GLRA3: variants seen among roughly 807,000 people sequenced by gnomAD.
The protein encoded by GLRA3 is glycine receptor alpha 3.
In GLRA3, 44 loss-of-function variants were observed where a neutral mutation model predicts 60.4. That is an observed-to-expected ratio of 0.73 (90% CI 0.57 to 0.94). The LOEUF is 0.94. Among genes scored for constraint, GLRA3 ranks in the 40% least tolerant of loss-of-function variants. The pLI is 0.00. For missense variants in GLRA3, 508 were observed against 564.6 expected, an observed-to-expected ratio of 0.90 and a Z score of 1.02; for synonymous variants, 223 against 192.9, an observed-to-expected ratio of 1.16 and a Z score of -1.29.
At chr4:174,745,739 T>C (rs944449603) in intron 3 of GLRA3, among the ~76,000 whole-genome samples, 5 of 151,948 alleles carry the variant, frequency 3.3e-5, no homozygotes, top group Admixed American at 2.0e-4. Context: ...GTTACTCATC[T>C]GACAGGTGAC....
intron 5 of GLRA3, among the ~76,000 whole-genome samples, chr4:174,706,836 A>T (rs1353583053): frequency 6.6e-6 from 1 of 152,186 alleles, no homozygotes; most frequent in Non-Finnish European, 1.5e-5. Context: ...ATTAACAGGT[A>T]GATTCTGTGA....
chr4:174,799,155 T>C (rs1739705069), intron 1 of GLRA3, among the ~76,000 whole-genome samples: 1 of 152,204 alleles, frequency 6.6e-6, no homozygotes, highest in South Asian at 2.1e-4. Context: ...ACAGGATTAA[T>C]ATACATATCA....
At chr4:174,681,348 TC>T (rs1231744467) in intron 6 of GLRA3, among the ~76,000 whole-genome samples, 1 of 152,224 alleles carries the variant, frequency 6.6e-6, no homozygotes, top group Non-Finnish European at 1.5e-5. Context: ...AAGATTCATG[TC>T]CACCCAGAAT....
At chr4:174,689,522 C>T (rs1373765812) in intron 5 of GLRA3, among the ~76,000 whole-genome samples, 2 of 151,900 alleles carry the variant, frequency 1.3e-5, no homozygotes, top group Admixed American at 6.6e-5. Context: ...ATCCATTACC[C>T]AAATAATGTA....
chr4:174,703,557 A>ACTTATTAGGTTTTGTTTT (rs1343015870), intron 5 of GLRA3, among the ~76,000 whole-genome samples: 1 of 152,006 alleles, frequency 6.6e-6, no homozygotes, highest in Non-Finnish European at 1.5e-5. Context: ...GTTTTTGTTT[A>ACTTATTAGGTTTTGTTTT]CTTATTAGGT....
intron 3 of GLRA3, among the ~76,000 whole-genome samples, chr4:174,747,228 G>A (rs1356521374): frequency 6.6e-6 from 1 of 152,118 alleles, no homozygotes; most frequent in African/African-American, 2.4e-5. Flanking sequence ...GAGGACATAA[G>A]GGCAGTGGTG....
intron 7 of GLRA3, among the ~76,000 whole-genome samples, chr4:174,662,294 G>GT (rs764810894): frequency 6.6e-5 from 10 of 152,152 alleles, no homozygotes; most frequent in Non-Finnish European, 1.2e-4. Context: ...TTTATGAAAG[G>GT]TAAGATGTTT....
intron 4 of GLRA3, among the ~76,000 whole-genome samples, chr4:174,717,276 G>GA (rs1174740480): frequency 1.4e-5 from 2 of 144,434 alleles, no homozygotes; most frequent in Non-Finnish European, 3.0e-5. Context: ...GAGAGAGAGA[G>GA]AGAGAAAGAG....
intron 2 of GLRA3, among the ~76,000 whole-genome samples, chr4:174,768,664 G>A (rs1018674742): frequency 3.3e-5 from 5 of 152,188 alleles, no homozygotes; most frequent in Admixed American, 6.6e-5. Context: ...TTAATCCATA[G>A]TAACTCTGAA....
chr4:174,739,321 T>G (rs905350247), intron 3 of GLRA3, among the ~76,000 whole-genome samples: 8 of 152,180 alleles, frequency 5.3e-5, no homozygotes, highest in Admixed American at 3.3e-4. Context: ...GGCAGAAAGC[T>G]TGACAACTCA....
At chr4:174,798,829 C>CAGG (rs1374004288) in intron 1 of GLRA3, among the ~76,000 whole-genome samples, 6 of 151,722 alleles carry the variant, frequency 4.0e-5, no homozygotes, top group East Asian at 1.9e-4. Flanking sequence ...GAGGCTGAGG[C>CAGG]AGAATGCCGT....
chr4:174,685,402 G>A (rs987208187), intron 5 of GLRA3, among the ~76,000 whole-genome samples: 1 of 152,150 alleles, frequency 6.6e-6, no homozygotes, highest in African/African-American at 2.4e-5. Flanking sequence ...TAGACTGTAT[G>A]GGATTCTGCT....
At chr4:174,795,601 TA>T (rs1739535700) in intron 1 of GLRA3, among the ~76,000 whole-genome samples, 1 of 152,202 alleles carries the variant, frequency 6.6e-6, no homozygotes, top group Non-Finnish European at 1.5e-5. Flanking sequence ...TTACTACTAA[TA>T]AAATTAAAGT....
In GLRA3 at chr4:174,780,117, A is replaced by G. The variant is rs1434177702; in HGVS notation, c.199+8699T>C. Among the ~76,000 whole-genome samples, 12 of 149,358 alleles carry G rather than the reference A, an allele frequency of 8.0e-5. No individual in the cohort carries two copies. In the South Asian group the frequency reaches 8.8e-4, roughly 11 times the overall value. On this transcript the variant is annotated intron_variant, in intron 2 of 9. Transcript: ENST00000274093. ...CCATCAGACTAACAGTGGATCTCTC[A>G]GCAGAAACCCTACAAGCCAGAAGAG...
chr4:174,804,932 C>T (rs1423061844), intron 1 of GLRA3, among the ~76,000 whole-genome samples: 2 of 152,220 alleles, frequency 1.3e-5, no homozygotes, highest in East Asian at 3.9e-4. Context: ...TGGCTAGTGC[C>T]ATGTTGCCTG....
chr4:174,715,209 C>T (rs962993955), intron 5 of GLRA3, among the ~76,000 whole-genome samples: 2 of 152,154 alleles, frequency 1.3e-5, no homozygotes, highest in Admixed American at 6.5e-5. Context: ...TTAATGATTA[C>T]CATCCTTTTC....
intron 1 of GLRA3, among the ~76,000 whole-genome samples, chr4:174,828,425 T>C (rs1190620424): frequency 2.0e-5 from 3 of 152,184 alleles, no homozygotes; most frequent in Non-Finnish European, 4.4e-5. Flanking sequence ...CCAAATTATA[T>C]AATTCACTTA....
chr4:174,749,308 A>G (rs1413176527), intron 3 of GLRA3, among the ~76,000 whole-genome samples: 2 of 152,082 alleles, frequency 1.3e-5, no homozygotes, highest in Non-Finnish European at 2.9e-5. Context: ...CCAGAAATAA[A>G]TTCCTTTCTG....
chr4:174,717,300 AAAAG>A (rs1290212663), intron 4 of GLRA3, among the ~76,000 whole-genome samples: 5 of 150,832 alleles, frequency 3.3e-5, no homozygotes, highest in Admixed American at 2.0e-4. Context: ...GAAAGAAAGA[AAAAG>A]AAAGAAGGAA....
Sources: gnomAD v4.1 joint callset for allele counts (sites outside exome capture counted in the v4.1 genomes callset) on GRCh38, gnomAD v4.1.1 for gene constraint, MANE v1.5 for transcripts, NCBI Gene and HGNC (gene_info 2026-07-23, HGNC 2026-07-21) for gene names.